The following CEP57L1 variants were observed in gnomAD, a reference collection of about 807,000 sequenced individuals.
CEP57L1 encodes centrosomal protein CEP57L1.
Under a neutral mutation model 61.0 loss-of-function variants are expected in CEP57L1, and 37 were observed. That is an observed-to-expected ratio of 0.61 (90% CI 0.47 to 0.80). The LOEUF (loss-of-function observed/expected upper bound fraction) is 0.80. Among genes scored for constraint, CEP57L1 ranks in the 30% least tolerant of loss-of-function variants. CEP57L1 has a pLI of 0.00. For missense variants in CEP57L1, 422 were observed against 524.7 expected (o/e 0.80, Z 1.91); for synonymous variants, 137 against 162.3 (o/e 0.84, Z 1.19).
At chr6:109,155,466 T>C (rs188856957) in intron 6 of CEP57L1, among the ~76,000 whole-genome samples, 159 bp downstream of exon 6, 3 of 151,970 alleles carry the variant, frequency 2.0e-5, no homozygotes, top group Admixed American at 1.3e-4. Flanking sequence ...GTATGATACA[T>C]GGATGTATTA....
intron 4 of CEP57L1, among the ~76,000 whole-genome samples, chr6:109,151,599 T>A (rs1024622874): frequency 6.6e-6 from 1 of 152,192 alleles, no homozygotes; most frequent in Admixed American, 6.5e-5. Context: ...GAAACAAAAA[T>A]ATGTATTTTT....
intron 1 of CEP57L1, among the ~76,000 whole-genome samples, chr6:109,102,042 A>G (rs1782497080): frequency 6.6e-6 from 1 of 152,164 alleles, no homozygotes; most frequent in Non-Finnish European, 1.5e-5. Context: ...AGCTGTTCTA[A>G]TAGGTATGTA....
intron 1 of CEP57L1, among the ~76,000 whole-genome samples, chr6:109,143,247 C>A (rs1027561417): frequency 6.6e-6 from 1 of 152,110 alleles, no homozygotes; most frequent in Non-Finnish European, 1.5e-5. Flanking sequence ...ATAGTCTACT[C>A]AGAATCACTC....
At chr6:109,103,262 C>T (rs755860464) in intron 1 of CEP57L1, among the ~76,000 whole-genome samples, 40 of 152,244 alleles carry the variant, frequency 2.6e-4, no homozygotes, top group Middle Eastern at 6.8e-3. Context: ...AGTTTTGCCT[C>T]TAAATGCTTC....
chr6:109,097,758 G>A (rs1781882837), intron 1 of CEP57L1, among the ~76,000 whole-genome samples: 1 of 152,204 alleles, frequency 6.6e-6, no homozygotes, highest in Non-Finnish European at 1.5e-5. Context: ...GGATGTGAGG[G>A]GCAAGGTTCA....
At chr6:109,155,355 A>ACTG in intron 6 of CEP57L1, 48 bp downstream of exon 6, 2 of 1,012,844 alleles carry the variant, frequency 2.0e-6, no homozygotes, top group Non-Finnish European at 2.8e-6. Context: ...TATATGTTTT[A>ACTG]TTATATTTTT....
At chr6:109,140,849 T>C (rs963707293) in intron 1 of CEP57L1, among the ~76,000 whole-genome samples, 6 of 151,994 alleles carry the variant, frequency 3.9e-5, no homozygotes, top group African/African-American at 1.4e-4. Flanking sequence ...TTTATTTATT[T>C]AGATGGATTC....
At chr6:109,104,505 T>C (rs1012238065) in intron 1 of CEP57L1, among the ~76,000 whole-genome samples, 1 of 152,192 alleles carries the variant, frequency 6.6e-6, no homozygotes, top group Non-Finnish European at 1.5e-5. Context: ...CCACTGGCAG[T>C]TCATGGGAAT....
At position 109,168,590 on chromosome 6, in the gene CEP57L1, A is replaced by ATTTTTT. The variant is rs72093696; in HGVS notation, c.*5637_*5642dup. Among the ~76,000 whole-genome samples, 2 of 112,060 alleles carry ATTTTTT rather than the reference A, an allele frequency of 1.8e-5. No homozygotes were observed. The highest frequency in any genetic ancestry group is 3.5e-5 in the African/African-American group (1 of 28,984). 73.5% of individuals were successfully genotyped at this position (112,060 alleles called of 152,430 possible). A position where few individuals can be genotyped will look rare whatever the true frequency, so the allele number is the denominator to read the frequency against. On this transcript the variant is annotated 3_prime_UTR_variant, in exon 11 of 11. Coordinates refer to ENST00000517392, the MANE Select transcript of CEP57L1 (RefSeq NM_001271852.3). ...ATCAATTTAGCGGGTCACTACCAGC[A>ATTTTTT]TTTTTTTTTTTTTTTTTTTTTTGAG...
chr6:109,140,543 G>T (rs1254634610), intron 1 of CEP57L1: 1 of 151,494 alleles, frequency 6.6e-6, no homozygotes, highest in Non-Finnish European at 1.5e-5. Flanking sequence ...GGGTCTACAG[G>T]TGTGCGCCAC....
chr6:109,147,165 A>G (rs1772058500), intron 3 of CEP57L1, among the ~76,000 whole-genome samples: 1 of 152,136 alleles, frequency 6.6e-6, no homozygotes, highest in African/African-American at 2.4e-5. Context: ...AAATTAAAGG[A>G]AAAATTAAGA....
chr6:109,167,011 T>A lies in CEP57L1; in HGVS notation c.*4041T>A, dbSNP rs1456724912. Among the ~76,000 whole-genome samples, 1 of 152,206 alleles carries A rather than the reference T, an allele frequency of 6.6e-6. No individual in the cohort carries two copies. Among genetic ancestry groups the A allele is most frequent in the Non-Finnish European group, 1.5e-5 (1 of 68,044 alleles). ...TAAGGCATAATAGCAACTGTGAGAT[T>A]TTTAAAAAACTATGCGTGCCATTGC... On this transcript the variant is annotated 3_prime_UTR_variant, in exon 11 of 11. Transcript: ENST00000517392.
chr6:109,148,579 A>G (rs2114885044), intron 3 of CEP57L1, among the ~76,000 whole-genome samples: 1 of 152,226 alleles, frequency 6.6e-6, no homozygotes, highest in South Asian at 2.1e-4. Context: ...CAATAAACAT[A>G]CGTGTGCATG....
chr6:109,137,307 GT>G (rs1428538430), intron 1 of CEP57L1, among the ~76,000 whole-genome samples: 1 of 150,980 alleles, frequency 6.6e-6, no homozygotes, highest in Non-Finnish European at 1.5e-5. Flanking sequence ...CATAAGTTTT[GT>G]TTTTTTTCTT....
intron 1 of CEP57L1, among the ~76,000 whole-genome samples, chr6:109,115,068 A>G (rs1038071884): frequency 6.6e-6 from 1 of 152,156 alleles, no homozygotes; most frequent in African/African-American, 2.4e-5. Flanking sequence ...ACCATGATTA[A>G]TACATACATT....
chr6:109,155,050 A>G (rs1483069319), intron 5 of CEP57L1, among the ~76,000 whole-genome samples, 180 bp from the exon 6 acceptor site: 1 of 152,102 alleles, frequency 6.6e-6, no homozygotes, highest in Non-Finnish European at 1.5e-5. Flanking sequence ...AAGCAAAGAA[A>G]GAAGTGGGAA....
At chr6:109,118,275 A>G (rs1376447276) in intron 1 of CEP57L1, among the ~76,000 whole-genome samples, 1 of 152,206 alleles carries the variant, frequency 6.6e-6, no homozygotes, top group Non-Finnish European at 1.5e-5. Context: ...GATCTCAGGT[A>G]GTCCACCTGC....
Position 109,145,229 on chromosome 6 carries a change from C to G in CEP57L1, c.8C>G (p.Ser3Cys), listed in dbSNP as rs200306017. The part of the protein sequence containing the change: MD[S>C]ELMHSIVGSY... ...CTTTATTCTCTACAGATAATGGATT[C>G]TGAATTAATGCATAGTATAGTAGGA... The change falls in exon 2 of 11, where the codon TCT becomes TGT. Residue 3 changes from serine to cysteine, a missense_variant. Physicochemically the swap from Ser to Cys is moderately radical, Grantham distance 112. Coordinates refer to ENST00000517392, the MANE Select transcript of CEP57L1 (RefSeq NM_001271852.3). The G allele has an allele frequency of 6.4e-7, 1 of 1,565,206 alleles. No individual in the cohort carries two copies. The highest frequency in any genetic ancestry group is 1.4e-5 in the African/African-American group (1 of 73,430).
chr6:109,101,242 ATAT>A (rs1782361479), intron 1 of CEP57L1, among the ~76,000 whole-genome samples: 1 of 152,234 alleles, frequency 6.6e-6, no homozygotes, highest in South Asian at 2.1e-4. Flanking sequence ...TAGGGAACAG[ATAT>A]TGAGAGGTTT....
Sources: gnomAD v4.1 joint callset for allele counts (sites outside exome capture counted in the v4.1 genomes callset) on GRCh38, gnomAD v4.1.1 for gene constraint, MANE v1.5 for transcripts, NCBI Gene and HGNC (gene_info 2026-07-23, HGNC 2026-07-21) for gene names.